Variants in NDUFA3 observed in about 807,000 individuals in gnomAD.
NDUFA3 encodes the protein NADH dehydrogenase [ubiquinone] 1 alpha subcomplex subunit 3.
In NDUFA3, 10 loss-of-function variants were observed where a neutral mutation model predicts 11.4. The ratio of observed to expected loss-of-function variants is 0.87; its 90% CI spans 0.54 to 1.48. The LOEUF (loss-of-function observed/expected upper bound fraction) is 1.48, where lower values mean the gene tolerates loss of function less well. Ranked by LOEUF, NDUFA3 falls within the 40% of genes most tolerant of loss-of-function variation. NDUFA3 has a pLI of 0.00. For missense variants in NDUFA3, 115 were observed against 110.5 expected (o/e 1.04, Z -0.18); for synonymous variants, 39 against 46.9 (o/e 0.83, Z 0.68).
intron 2 of NDUFA3, among the ~76,000 whole-genome samples, chr19:54,105,425 C>T (rs190223004): frequency 2.5e-4 from 38 of 151,868 alleles, no homozygotes; most frequent in African/African-American, 7.7e-4. Context: ...CCTGCCACCA[C>T]GCCCGGCTAA....
chr19:54,105,656 C>T (rs2073235339), intron 2 of NDUFA3: 4 of 669,570 alleles, frequency 6.0e-6, no homozygotes, highest in South Asian at 4.5e-5. Flanking sequence ...CAAACGTGCT[C>T]ATTCCATGAC....
At position 54,107,288 on chromosome 19, in the gene NDUFA3, G is replaced by T; in HGVS notation, c.*386G>T. 7.2e-7 allele frequency: 1 copy of T among 1,398,210 alleles called. No individual in the cohort carries two copies. Among genetic ancestry groups the T allele is most frequent in the Non-Finnish European group, 9.7e-7 (1 of 1,028,460 alleles). The allele number at this position is 1,398,210 out of a possible 1,614,324, so 86.6% of individuals were successfully genotyped here. ...TAAAGAGACAGGGTCTCACTCTGTT[G>T]CCCAGGCTGGAGTGCAGTGGTGCCA... On this transcript the variant is annotated 3_prime_UTR_variant, in exon 4 of 4. Transcript: ENST00000485876.
intron 3 of NDUFA3, chr19:54,106,499 T>C: frequency 2.4e-6 from 1 of 411,898 alleles, no homozygotes; most frequent in Non-Finnish European, 4.3e-6. Context: ...CCTTTCCAGA[T>C]TTCTGTCTCT....
intron 3 of NDUFA3, chr19:54,106,503 T>C: frequency 2.4e-6 from 1 of 423,636 alleles, no homozygotes; most frequent in South Asian, 4.8e-5. Flanking sequence ...TCCAGATTTC[T>C]GTCTCTCTCT....
intron 1 of NDUFA3, 96 bp downstream of exon 1, chr19:54,102,984 G>T: frequency 6.5e-7 from 1 of 1,546,770 alleles, no homozygotes; most frequent in Non-Finnish European, 8.8e-7. Flanking sequence ...GGGTGGAAGC[G>T]ATGGGGTCCG....
At position 54,106,803 on chromosome 19, in the gene NDUFA3, C is replaced by A; in HGVS notation, c.164-8C>A. The A allele has an allele frequency of 6.2e-7, 1 of 1,604,748 alleles. No individual in the cohort carries two copies. Among genetic ancestry groups the A allele is most frequent in the Non-Finnish European group, 8.5e-7 (1 of 1,175,698 alleles). Reference sequence around the variant, plus strand: ...GCTGGTCTCAGTGGCCCACCTCCTGCCCCACAGTGCCCGTCCGTGATGATG... The same window carrying A: ...GCTGGTCTCAGTGGCCCACCTCCTGACCCACAGTGCCCGTCCGTGATGATG... On this transcript the variant is annotated splice_polypyrimidine_tract_variant and splice_region_variant and intron_variant, in intron 3 of 3. Transcript: ENST00000485876.
At position 54,103,095 on chromosome 19, in the gene NDUFA3, C is replaced by T. The variant is rs373479178; in HGVS notation, c.11-19C>T. 5.6e-6 allele frequency: 9 copies of T among 1,609,962 alleles called. No homozygotes were observed. The Admixed American group carries it at 1.3e-4, about 24-fold the overall frequency. On this transcript the variant is annotated intron_variant, in intron 1 of 3. Coordinates refer to ENST00000485876, the MANE Select transcript of NDUFA3 (RefSeq NM_004542.4). ...GGGGCAGCTACTTGCAGGGGTGACG[C>T]TTCTTGCCACCCCTTCAGGAGTCGG...
At position 54,106,792 on chromosome 19, in the gene NDUFA3, C is replaced by A. The variant is rs371393808; in HGVS notation, c.164-19C>A. ...CCTGGAGACGTGCTGGTCTCAGTGGCCCACCTCCTGCCCCACAGTGCCCGT... is the reference window on the plus strand; with the variant it reads ...CCTGGAGACGTGCTGGTCTCAGTGGACCACCTCCTGCCCCACAGTGCCCGT... On this transcript the variant is annotated intron_variant, in intron 3 of 3. Coordinates refer to ENST00000485876, the MANE Select transcript of NDUFA3 (RefSeq NM_004542.4). 11 of 1,593,172 alleles carry A rather than the reference C, an allele frequency of 6.9e-6. No homozygotes were observed. In the Admixed American group the frequency reaches 1.6e-4, roughly 23 times the overall value.
Position 54,106,959 on chromosome 19 carries a change from C to A in NDUFA3, c.*57C>A. 1 of 1,600,416 alleles carries A rather than the reference C, an allele frequency of 6.2e-7. No individual in the cohort carries two copies. Among genetic ancestry groups the A allele is most frequent in the Admixed American group, 1.7e-5 (1 of 57,808 alleles). ...CGGCTCCCAATAAAAATGTGAAAACCAACCCCCGAACGTGAGCATGTGTGT... is the reference window on the plus strand; with the variant it reads ...CGGCTCCCAATAAAAATGTGAAAACAAACCCCCGAACGTGAGCATGTGTGT... On this transcript the variant is annotated 3_prime_UTR_variant, in exon 4 of 4. Coordinates refer to ENST00000485876, the MANE Select transcript of NDUFA3 (RefSeq NM_004542.4).
chr19:54,104,188 A>C (rs2073187090), intron 2 of NDUFA3, among the ~76,000 whole-genome samples: 1 of 123,684 alleles, frequency 8.1e-6, no homozygotes, highest in South Asian at 2.5e-4. Flanking sequence ...TCCAGGCTAC[A>C]GTGCAATGGT....
chr19:54,107,251 T>C lies in NDUFA3; in HGVS notation c.*349T>C. Reference sequence around the variant, plus strand: ...AGCTTCACCATTTTTGTTTTCATTTTGTTTTGCTTTTTAAAGAGACAGGGT... The same window carrying C: ...AGCTTCACCATTTTTGTTTTCATTTCGTTTTGCTTTTTAAAGAGACAGGGT... On this transcript the variant is annotated 3_prime_UTR_variant, in exon 4 of 4. Transcript: ENST00000485876. 7.1e-6 allele frequency: 11 copies of C among 1,559,210 alleles called. No individual in the cohort carries two copies. The highest frequency in any genetic ancestry group is 9.5e-6 in the Non-Finnish European group (11 of 1,153,318).
Position 54,106,927 on chromosome 19 carries a change from C to T in NDUFA3, c.*25C>T. On this transcript the variant is annotated 3_prime_UTR_variant, in exon 4 of 4. Transcript: ENST00000485876. ...AGCACCTCCACTGACAGAGGCGGCC[C>T]CTCCCACGGCTCCCAATAAAAATGT... is the stretch of plus-strand genomic sequence containing the variant. 6.2e-7 allele frequency: 1 copy of T among 1,603,648 alleles called. No homozygotes were observed. The highest frequency in any genetic ancestry group is 8.5e-7 in the Non-Finnish European group (1 of 1,174,778).
intron 2 of NDUFA3, 188 bp from the exon 3 acceptor site, chr19:54,105,746 A>G (rs760350244): frequency 1.5e-6 from 1 of 669,118 alleles, no homozygotes; most frequent in Non-Finnish European, 2.8e-6. Flanking sequence ...TAACCCCCCA[A>G]AAAAGAGTTT....
intron 2 of NDUFA3, among the ~76,000 whole-genome samples, 174 bp downstream of exon 2, chr19:54,103,362 C>T (rs2073150561): frequency 6.6e-6 from 1 of 152,122 alleles, no homozygotes; most frequent in Admixed American, 6.6e-5. Flanking sequence ...CACCATCGCC[C>T]CCCGCGTTCC....
intron 1 of NDUFA3, 26 bp downstream of exon 1, chr19:54,102,914 G>A: frequency 1.2e-6 from 2 of 1,608,766 alleles, no homozygotes; most frequent in Non-Finnish European, 1.7e-6. Flanking sequence ...GGTGGCGCAC[G>A]GGGCTCGGGT....
chr19:54,103,130 C>T lies in NDUFA3; in HGVS notation c.27C>T (p.Leu9=), dbSNP rs2073138660. The T allele has an allele frequency of 6.2e-7, 1 of 1,612,122 alleles. No individual in the cohort carries two copies. Among genetic ancestry groups the T allele is most frequent in the Non-Finnish European group, 8.5e-7 (1 of 1,178,974 alleles). The part of the protein sequence containing the change: MAARVGAF[L]KNAWDKEPVL... ...CCCCTTCAGGAGTCGGCGCCTTCCT[C>T]AAGAATGCCTGGGACAAGGAGCCAG... is the stretch of plus-strand genomic sequence containing the variant. The change falls in exon 2 of 4, where the codon CTC becomes CTT. Residue 9 remains leucine, a synonymous_variant. Transcript: ENST00000485876.
Position 54,102,904 on chromosome 19 carries a change from G to C in NDUFA3, c.10+16G>C. 5.0e-6 allele frequency: 8 copies of C among 1,609,428 alleles called. No individual in the cohort carries two copies. The highest frequency in any genetic ancestry group is 6.8e-6 in the Non-Finnish European group (8 of 1,177,422). ...ATGGCTGCGAGTAAGTGCAGGTGCCGGTGGCGCACGGGGCTCGGGTAGTTC... is the reference window on the plus strand; with the variant it reads ...ATGGCTGCGAGTAAGTGCAGGTGCCCGTGGCGCACGGGGCTCGGGTAGTTC... On this transcript the variant is annotated intron_variant, in intron 1 of 3. Coordinates refer to ENST00000485876, the MANE Select transcript of NDUFA3 (RefSeq NM_004542.4).
chr19:54,106,261 C>T lies in NDUFA3; in HGVS notation c.163+250C>T, dbSNP rs587621988. The T allele has an allele frequency of 6.9e-4, 349 of 505,548 alleles. 3 individuals are homozygous for T. Among genetic ancestry groups the T allele is most frequent in the South Asian group, 3.9e-3 (164 of 42,352 alleles). 31.3% of individuals were successfully genotyped at this position (505,548 alleles called of 1,614,324 possible). A position where few individuals can be genotyped will look rare whatever the true frequency, so the allele number is the denominator to read the frequency against. On this transcript the variant is annotated intron_variant, in intron 3 of 3. Transcript: ENST00000485876. ...TCGCCAAGGCTGGAGTGCAGTGGCG[C>T]GATCTCAGCTCACTGCAAGCTCAGC...
At chr19:54,106,671 CT>C in intron 3 of NDUFA3, 139 bp from the exon 4 acceptor site, 1 of 615,922 alleles carries the variant, frequency 1.6e-6, no homozygotes, top group East Asian at 3.0e-5. Flanking sequence ...CCGCCTCTTT[CT>C]GCATCACTGA....
Sources: gnomAD v4.1 joint callset for allele counts (sites outside exome capture counted in the v4.1 genomes callset) on GRCh38, gnomAD v4.1.1 for gene constraint, MANE v1.5 for transcripts, NCBI Gene and HGNC (gene_info 2026-07-23, HGNC 2026-07-21) for gene names.